DCC: variants seen among roughly 807,000 people sequenced by gnomAD.
DCC encodes the protein netrin receptor DCC.
DCC carries 58 observed loss-of-function variants against 172.5 expected under a neutral mutation model. That is an observed-to-expected ratio of 0.34 (90% CI 0.27 to 0.42). The LOEUF (loss-of-function observed/expected upper bound fraction) is 0.42. DCC is among the 10% of genes least tolerant of loss of function. DCC has a pLI of 1.00. For synonymous variants in DCC, 709 were observed against 644.5 expected (o/e 1.10, Z -1.52); for missense variants, 1,740 against 1,791.0 (o/e 0.97, Z 0.51).
At position 52,459,485 on chromosome 18, in the gene DCC, TG is replaced by T. The variant is rs1424285264; in HGVS notation, c.91+118608del. ...CTTTCTTTCTTTCTTTCTTTCTTTTTGAAACAGAGTCTCACTCTGTCGCCCA... is the reference window on the plus strand; with the variant it reads ...CTTTCTTTCTTTCTTTCTTTCTTTTTAAACAGAGTCTCACTCTGTCGCCCA... On this transcript the variant is annotated intron_variant, in intron 1 of 28. Transcript: ENST00000442544. Among the ~76,000 whole-genome samples the T allele has an allele frequency of 7.2e-5, 11 of 152,208 alleles. No homozygotes were observed. The South Asian group carries it at 1.5e-3, about 20-fold the overall frequency.
intron 1 of DCC, among the ~76,000 whole-genome samples, chr18:52,477,596 C>T (rs1476329592): frequency 1.3e-5 from 2 of 152,136 alleles, no homozygotes; most frequent in African/African-American, 2.4e-5. Context: ...AGGAGTCACA[C>T]AAGGGCTGCC....
At chr18:53,146,566 A>T (rs1156851699) in intron 7 of DCC, among the ~76,000 whole-genome samples, 1 of 152,240 alleles carries the variant, frequency 6.6e-6, no homozygotes, top group Non-Finnish European at 1.5e-5. Flanking sequence ...GTTGCATTGG[A>T]GATTAAATTT....
At chr18:52,724,514 A>T (rs892891579) in intron 1 of DCC, among the ~76,000 whole-genome samples, 3 of 151,898 alleles carry the variant, frequency 2.0e-5, no homozygotes, top group African/African-American at 7.3e-5. Context: ...TATTTCCAAA[A>T]ATTTGCCTAA....
chr18:52,489,312 G>A (rs1363687541), intron 1 of DCC, among the ~76,000 whole-genome samples: 1 of 152,006 alleles, frequency 6.6e-6, no homozygotes, highest in African/African-American at 2.4e-5. Flanking sequence ...AAGATCTGAA[G>A]GCAAAGATTC....
At chr18:52,625,481 C>T (rs2034556615) in intron 1 of DCC, among the ~76,000 whole-genome samples, 1 of 152,154 alleles carries the variant, frequency 6.6e-6, no homozygotes, top group African/African-American at 2.4e-5. Flanking sequence ...CATTTGGGAA[C>T]TATAGTCCTA....
chr18:53,390,547 T>C (rs1004702188), intron 16 of DCC, among the ~76,000 whole-genome samples: 1 of 152,192 alleles, frequency 6.6e-6, no homozygotes, highest in African/African-American at 2.4e-5. Flanking sequence ...GAGAGTTATA[T>C]TATCACATAT....
intron 2 of DCC, among the ~76,000 whole-genome samples, chr18:52,889,243 G>A (rs2039614158): frequency 1.3e-5 from 2 of 152,048 alleles, no homozygotes; most frequent in Admixed American, 6.6e-5. Flanking sequence ...TGATCAGTAA[G>A]GCCCTTTCTA....
At position 52,385,168 on chromosome 18, in the gene DCC, C is replaced by T. The variant is rs566746748; in HGVS notation, c.91+44290C>T. On this transcript the variant is annotated intron_variant, in intron 1 of 28. Transcript: ENST00000442544. ...TGAAAAAGCAAATGTAGAAGATAAA[C>T]GGGAATGCACTTGTCTGGGTGCTCT... is the stretch of plus-strand genomic sequence containing the variant. 1.7e-4 allele frequency among the ~76,000 whole-genome samples: 26 copies of T among 152,214 alleles called. No homozygotes were observed. In the South Asian group the frequency reaches 2.7e-3, roughly 16 times the overall value.
chr18:53,400,024 C>T (rs16956672), intron 18 of DCC, among the ~76,000 whole-genome samples: 3 of 151,698 alleles, frequency 2.0e-5, no homozygotes, highest in African/African-American at 7.3e-5. Flanking sequence ...CCTTGAGATA[C>T]GAACTTGGTA....
At chr18:52,479,884 CG>C (rs1300765864) in intron 1 of DCC, among the ~76,000 whole-genome samples, 1 of 151,986 alleles carries the variant, frequency 6.6e-6, no homozygotes, top group African/African-American at 2.4e-5. Context: ...ATTTCACGGA[CG>C]ACTTCTGCTC....
chr18:52,539,710 T>G (rs150776709), intron 1 of DCC, among the ~76,000 whole-genome samples: 2 of 152,210 alleles, frequency 1.3e-5, no homozygotes, highest in South Asian at 4.1e-4. Flanking sequence ...TACAACATAA[T>G]GATGTAGTTA....
At chr18:52,955,653 G>T (rs867462589) in intron 5 of DCC, among the ~76,000 whole-genome samples, 70 of 152,188 alleles carry the variant, frequency 4.6e-4, no homozygotes, top group African/African-American at 1.7e-3. Flanking sequence ...GCACCATTTT[G>T]CATTCCCACC....
At chr18:53,192,192 A>C (rs910931563) in intron 9 of DCC, among the ~76,000 whole-genome samples, 1 of 152,182 alleles carries the variant, frequency 6.6e-6, no homozygotes, top group Non-Finnish European at 1.5e-5. Context: ...ATGTATGTGG[A>C]AGGGCGTTAA....
chr18:52,735,252 C>T (rs2145101387), intron 1 of DCC, among the ~76,000 whole-genome samples: 1 of 152,184 alleles, frequency 6.6e-6, no homozygotes, highest in Non-Finnish European at 1.5e-5. Flanking sequence ...CTGTGTTAAC[C>T]CTAGGCTCAT....
chr18:53,477,436 G>C (rs927153468), intron 25 of DCC, among the ~76,000 whole-genome samples: 2 of 152,190 alleles, frequency 1.3e-5, no homozygotes, highest in Non-Finnish European at 2.9e-5. Context: ...ATTCAGGAGA[G>C]TAGATAAATT....
intron 7 of DCC, among the ~76,000 whole-genome samples, chr18:53,075,272 GT>G (rs1403180591): frequency 6.6e-6 from 1 of 152,150 alleles, no homozygotes; most frequent in Non-Finnish European, 1.5e-5. Flanking sequence ...GCTCATGCCA[GT>G]TTTATGTAGG....
At chr18:52,687,157 T>C (rs1764819555) in intron 1 of DCC, among the ~76,000 whole-genome samples, 1 of 152,160 alleles carries the variant, frequency 6.6e-6, no homozygotes. Context: ...AAATTGAGTG[T>C]AGCAAAGACT....
Position 53,205,202 on chromosome 18 carries a change from A to AT in DCC, c.1574-7dup. ...AATCACTTTTCTTTCTTTCTTTATT[A>AT]TTTTTTTATACAGTGCAAGTTCCAG... is the stretch of plus-strand genomic sequence containing the variant. On this transcript the variant is annotated splice_polypyrimidine_tract_variant and intron_variant, in intron 9 of 28. Coordinates refer to ENST00000442544, the MANE Select transcript of DCC (RefSeq NM_005215.4). 1 of 1,607,924 alleles carries AT rather than the reference A, an allele frequency of 6.2e-7. No homozygotes were observed. The highest frequency in any genetic ancestry group is 8.5e-7 in the Non-Finnish European group (1 of 1,174,650).
chr18:52,858,916 A>G (rs922224374), intron 2 of DCC, among the ~76,000 whole-genome samples: 1 of 152,222 alleles, frequency 6.6e-6, no homozygotes, highest in Non-Finnish European at 1.5e-5. Flanking sequence ...TTAAAGTTCC[A>G]TTCTCAAGAA....
Sources: allele counts gnomAD v4.1 joint callset (sites outside exome capture counted in the v4.1 genomes callset), GRCh38; gene constraint gnomAD v4.1.1; transcripts MANE v1.5; gene names NCBI Gene and HGNC (gene_info 2026-07-23, HGNC 2026-07-21).